Variants in SHANK2 observed in about 807,000 individuals in gnomAD.
SHANK2 encodes SH3 and multiple ankyrin repeat domains 2, also known as SH3 and multiple ankyrin repeat domains protein 2.
SHANK2 carries 43 observed loss-of-function variants against 133.7 expected under a neutral mutation model. The ratio of observed to expected loss-of-function variants is 0.32; its 90% CI spans 0.25 to 0.41. The LOEUF is 0.41. Ranked by LOEUF, SHANK2 falls within the 10% of genes least tolerant of loss-of-function variation. The pLI, the probability that SHANK2 is intolerant of heterozygous loss-of-function variation, is 1.00. For synonymous variants in SHANK2, 1,017 were observed against 952.8 expected (o/e 1.07, Z -1.24); for missense variants, 1,994 against 2,235.8 (o/e 0.89, Z 2.18).
intron 14 of SHANK2, among the ~76,000 whole-genome samples, chr11:70,749,225 C>A (rs1946707307): frequency 6.6e-6 from 1 of 152,154 alleles, no homozygotes; most frequent in Non-Finnish European, 1.5e-5. Flanking sequence ...GAGAGGAGAG[C>A]CCTGGAGGGA....
intron 11 of SHANK2, among the ~76,000 whole-genome samples, chr11:70,826,307 C>G (rs117458031): frequency 0.023 from 3,485 of 152,294 alleles, 80 homozygotes; most frequent in Non-Finnish European, 0.03. Context: ...CCAACTCAAA[C>G]CAAACCGTAT....
chr11:70,750,791 G>T (rs887520535), intron 14 of SHANK2, among the ~76,000 whole-genome samples: 3 of 152,164 alleles, frequency 2.0e-5, no homozygotes, highest in Non-Finnish European at 4.4e-5. Context: ...CTGTGCATAC[G>T]TGGGACAGAT....
At chr11:70,716,324 G>A (rs1197053184) in intron 14 of SHANK2, among the ~76,000 whole-genome samples, 1 of 152,142 alleles carries the variant, frequency 6.6e-6, no homozygotes, top group Non-Finnish European at 1.5e-5. Flanking sequence ...ACGCAGCAGA[G>A]CCTGGATTTA....
chr11:70,799,479 C>T (rs1947995691), intron 13 of SHANK2, among the ~76,000 whole-genome samples: 1 of 152,114 alleles, frequency 6.6e-6, no homozygotes, highest in South Asian at 2.1e-4. Flanking sequence ...ATGGTGTGGA[C>T]GTGGAATTAT....
chr11:71,085,225 G>C lies in SHANK2; in HGVS notation c.912+7197C>G, dbSNP rs905470992. 3.1e-4 allele frequency among the ~76,000 whole-genome samples: 47 copies of C among 151,992 alleles called. No homozygotes were observed. In the South Asian group the frequency reaches 9.1e-3, roughly 30 times the overall value. On this transcript the variant is annotated intron_variant, in intron 8 of 25. Coordinates refer to ENST00000601538, the MANE Select transcript of SHANK2 (RefSeq NM_012309.5). ...TAATCCCAGCACTTTGGGAGGTTGA[G>C]GAGGGCAGATCACTTGAGGTCAGGA...
chr11:70,687,409 G>C (rs921879265), intron 15 of SHANK2, among the ~76,000 whole-genome samples: 2 of 152,240 alleles, frequency 1.3e-5, no homozygotes, highest in Non-Finnish European at 2.9e-5. Context: ...GGGATGAGCC[G>C]AAGCTGGCTC....
chr11:70,713,008 C>T (rs150650745), intron 14 of SHANK2, among the ~76,000 whole-genome samples: 29 of 152,386 alleles, frequency 1.9e-4, no homozygotes, highest in African/African-American at 5.5e-4. Flanking sequence ...TCGTGTCACA[C>T]GCCTGGGTAA....
At chr11:70,538,565 A>G (rs2059573684) in intron 17 of SHANK2, among the ~76,000 whole-genome samples, 1 of 152,220 alleles carries the variant, frequency 6.6e-6, no homozygotes, top group African/African-American at 2.4e-5. Context: ...GTCAGAGTAA[A>G]GCTCTGGTCA....
intron 17 of SHANK2, among the ~76,000 whole-genome samples, chr11:70,582,046 C>T (rs565565804): frequency 3.3e-5 from 5 of 152,326 alleles, no homozygotes; most frequent in South Asian, 2.1e-4. Flanking sequence ...GGACAGATCC[C>T]GGGCCAGGTC....
chr11:71,060,626 G>A (rs1950976343), intron 9 of SHANK2, among the ~76,000 whole-genome samples: 1 of 152,256 alleles, frequency 6.6e-6, no homozygotes, highest in Non-Finnish European at 1.5e-5. Context: ...ATGCATGTCA[G>A]CAGGGGAGGG....
chr11:70,908,828 G>GACCCAACT (rs1281633502), intron 10 of SHANK2, among the ~76,000 whole-genome samples: 1 of 152,126 alleles, frequency 6.6e-6, no homozygotes, highest in Non-Finnish European at 1.5e-5. Context: ...GTCAAACCGC[G>GACCCAACT]ACCCAACTGA....
At chr11:70,902,678 C>T (rs1354962119) in intron 10 of SHANK2, among the ~76,000 whole-genome samples, 1 of 152,226 alleles carries the variant, frequency 6.6e-6, no homozygotes, top group African/African-American at 2.4e-5. Context: ...GTGGGAATCA[C>T]CCCCAGTTGT....
chr11:71,234,183 TA>T (rs71049965), intron 1 of SHANK2, among the ~76,000 whole-genome samples: 967 of 35,420 alleles, frequency 0.027, 15 homozygotes, highest in African/African-American at 0.1. Context: ...CCCTCTCTAC[TA>T]AAAAAAAAAA....
chr11:70,915,624 G>A (rs1175959406), intron 10 of SHANK2, among the ~76,000 whole-genome samples: 1 of 152,172 alleles, frequency 6.6e-6, no homozygotes, highest in Admixed American at 6.5e-5. Context: ...AATACCGAGA[G>A]CATGGCTGCA....
chr11:70,489,167 AT>A, intron 24 of SHANK2, 160 bp downstream of exon 24: 1 of 710,642 alleles, frequency 1.4e-6, no homozygotes. Flanking sequence ...ACATTTTGGC[AT>A]TGCAAAGATG....
At chr11:70,906,524 G>A (rs537270237) in intron 10 of SHANK2, among the ~76,000 whole-genome samples, 12 of 152,280 alleles carry the variant, frequency 7.9e-5, no homozygotes, top group Non-Finnish European at 1.6e-4. Flanking sequence ...TTGCCAAAAC[G>A]AAATGTGCCT....
At chr11:71,085,513 T>A (rs1448794102) in intron 8 of SHANK2, among the ~76,000 whole-genome samples, 3 of 111,882 alleles carry the variant, frequency 2.7e-5, no homozygotes, top group Admixed American at 1.4e-4. Context: ...TATGTTATAT[T>A]ATATATGCTA....
At position 71,188,063 on chromosome 11, in the gene SHANK2, G is replaced by A. The variant is rs1291945760; in HGVS notation, c.-13+36634C>T. 6.6e-6 allele frequency among the ~76,000 whole-genome samples: 1 copy of A among 152,076 alleles called. No homozygotes were observed. Among genetic ancestry groups the A allele is most frequent in the African/African-American group, 2.4e-5 (1 of 41,418 alleles). On this transcript the variant is annotated intron_variant, in intron 2 of 25. Coordinates refer to ENST00000601538, the MANE Select transcript of SHANK2 (RefSeq NM_012309.5). The surrounding 1 kb of genome is among the most constrained non-coding windows in gnomAD (Gnocchi z 4.6). Reference sequence around the variant, plus strand: ...AGGTAGGCTAACCTGGCGGGTCAAAGGTCAGACCCCACACAGTCCTTGCCA... The same window carrying A: ...AGGTAGGCTAACCTGGCGGGTCAAAAGTCAGACCCCACACAGTCCTTGCCA...
At chr11:71,062,996 CAAAAA>C (rs1169050698) in intron 9 of SHANK2, among the ~76,000 whole-genome samples, 1,160 of 69,720 alleles carry the variant, frequency 0.017, 10 homozygotes, top group African/African-American at 0.056. Context: ...GACCCTGTCT[CAAAAA>C]AAAAAAAAAA....
Sources: allele counts gnomAD v4.1 joint callset (sites outside exome capture counted in the v4.1 genomes callset), GRCh38; gene constraint gnomAD v4.1.1; non-coding constraint Gnocchi (gnomAD v3.1); transcripts MANE v1.5; gene names NCBI Gene and HGNC (gene_info 2026-07-23, HGNC 2026-07-21).